RAD23B: variants seen among roughly 807,000 people sequenced by gnomAD.
The protein encoded by RAD23B is RAD23 nucleotide excision repair protein B, also known as lysine-specific demethylase RAD23B.
In RAD23B, 5 loss-of-function variants were observed where a neutral mutation model predicts 49.1. The ratio of observed to expected loss-of-function variants is 0.10; its 90% CI spans 0.05 to 0.21. RAD23B has a LOEUF of 0.21. Among genes scored for constraint, RAD23B ranks in the 10% least tolerant of loss-of-function variants. RAD23B has a pLI of 1.00. For missense variants in RAD23B, 356 were observed against 486.7 expected (o/e 0.73, Z 2.53); for synonymous variants, 184 against 165.4 (o/e 1.11, Z -0.86).
At chr9:107,284,192 G>A in intron 1 of RAD23B, 1 of 986,066 alleles carries the variant, frequency 1.0e-6, no homozygotes, top group African/African-American at 1.7e-5. Context: ...CGAGAGGTGA[G>A]TGGTGGTGAA....
intron 3 of RAD23B, among the ~76,000 whole-genome samples, chr9:107,302,804 T>C (rs1018067875): frequency 8.6e-5 from 13 of 151,924 alleles, no homozygotes; most frequent in South Asian, 4.1e-4. Context: ...TACAGGCGCA[T>C]GCCACCACGC....
chr9:107,286,689 G>C (rs1269664741), intron 1 of RAD23B, among the ~76,000 whole-genome samples: 4 of 152,076 alleles, frequency 2.6e-5, no homozygotes, highest in African/African-American at 7.2e-5. Context: ...GTTTTTTACT[G>C]TAAAAATTGT....
chr9:107,296,722 A>G (rs997211551), intron 1 of RAD23B, among the ~76,000 whole-genome samples: 1 of 149,802 alleles, frequency 6.7e-6, no homozygotes, highest in Non-Finnish European at 1.5e-5. Context: ...TTTAGTAGAG[A>G]TGGAGTTTTG....
Position 107,312,512 on chromosome 9 carries a change from A to T in RAD23B, c.553+775A>T, listed in dbSNP as rs1182662667. ...TGGTTCTCTGAGCTAGTTGGACTGG[A>T]ACTCCGTGATGCCCTTGTTGCTGTG... is the stretch of plus-strand genomic sequence containing the variant. On this transcript the variant is annotated intron_variant, in intron 5 of 9. Transcript: ENST00000358015. Among the ~76,000 whole-genome samples the T allele has an allele frequency of 2.0e-5, 3 of 152,094 alleles. No homozygotes were observed. The East Asian group carries it at 5.8e-4, about 29-fold the overall frequency.
intron 1 of RAD23B, among the ~76,000 whole-genome samples, chr9:107,298,148 C>T (rs935452076): frequency 1.3e-5 from 2 of 152,178 alleles, no homozygotes; most frequent in Admixed American, 6.5e-5. Flanking sequence ...ATTTACCATA[C>T]ACCACTGAGT....
At chr9:107,309,332 A>G (rs568407079) in intron 4 of RAD23B, among the ~76,000 whole-genome samples, 8 of 152,244 alleles carry the variant, frequency 5.3e-5, no homozygotes, top group Non-Finnish European at 1.0e-4. Context: ...AAAGTATGTA[A>G]TGTATAAGCA....
intron 1 of RAD23B, among the ~76,000 whole-genome samples, chr9:107,286,981 A>G (rs1194871503): frequency 6.6e-6 from 1 of 151,942 alleles, no homozygotes; most frequent in African/African-American, 2.4e-5. Flanking sequence ...AGGCTGAGGC[A>G]GGAGAATCGC....
chr9:107,302,643 T>TG (rs981090881), intron 3 of RAD23B, among the ~76,000 whole-genome samples: 4 of 142,656 alleles, frequency 2.8e-5, no homozygotes, highest in Non-Finnish European at 4.5e-5. Context: ...TGAGGAAGTT[T>TG]TTTTTGTTTT....
intron 1 of RAD23B, chr9:107,285,033 T>C: frequency 1.8e-6 from 2 of 1,122,284 alleles, no homozygotes; most frequent in South Asian, 1.5e-5. Flanking sequence ...TGTACATCTT[T>C]AATTTTTTAA....
At chr9:107,296,683 C>T (rs1342086013) in intron 1 of RAD23B, among the ~76,000 whole-genome samples, 5 of 151,354 alleles carry the variant, frequency 3.3e-5, no homozygotes, top group East Asian at 1.9e-4. Context: ...TACAGGCGTG[C>T]ACCACCATGC....
At chr9:107,299,930 T>C (rs1826612843) in intron 1 of RAD23B, among the ~76,000 whole-genome samples, 1 of 152,184 alleles carries the variant, frequency 6.6e-6, no homozygotes, top group Non-Finnish European at 1.5e-5. Flanking sequence ...TCTGTGTGTA[T>C]CAGATGGTGT....
At position 107,330,054 on chromosome 9, in the gene RAD23B, A is replaced by T. The variant is rs749565496; in HGVS notation, c.*398A>T. On this transcript the variant is annotated 3_prime_UTR_variant, in exon 10 of 10. Transcript: ENST00000358015. This position sits in a 1 kb window ranked among gnomAD's most constrained non-coding sequence, Gnocchi z 4.4. The stretch of plus-strand genomic sequence containing the variant: ...AGAATCTTAGCTACCTAGAATTTAC[A>T]GTCTCTGTTTCATGGCAACACTGGA... 66 of 153,312 alleles carry T rather than the reference A, an allele frequency of 4.3e-4. No homozygotes were observed. Among genetic ancestry groups the T allele is most frequent in the Non-Finnish European group, 3.1e-4 (21 of 68,520 alleles). 9.5% of individuals were successfully genotyped at this position (153,312 alleles called of 1,614,324 possible).
intron 5 of RAD23B, among the ~76,000 whole-genome samples, chr9:107,313,862 T>G (rs898703724): frequency 7.9e-5 from 12 of 151,940 alleles, no homozygotes; most frequent in African/African-American, 2.2e-4. Flanking sequence ...CTGTTTCTTT[T>G]CTTTTCCTTT....
At chr9:107,286,878 C>T (rs1318763263) in intron 1 of RAD23B, among the ~76,000 whole-genome samples, 1 of 151,982 alleles carries the variant, frequency 6.6e-6, no homozygotes, top group Non-Finnish European at 1.5e-5. Context: ...CGAGACCATC[C>T]TGGTTAACAC....
chr9:107,298,474 ATTTTTTTTTT>A (rs35923233), intron 1 of RAD23B, among the ~76,000 whole-genome samples: 121 of 53,122 alleles, frequency 2.3e-3, no homozygotes, highest in Non-Finnish European at 2.8e-3. Flanking sequence ...TGCTTGGCTA[ATTTTTTTTTT>A]TTTTTTTTTT....
In RAD23B at chr9:107,311,743, T is replaced by C. The variant is rs750902901; in HGVS notation, c.553+6T>C. ...AGATGCAACGAGTGCACTTGGTAAG[T>C]ATCTGCTTTTCCTTATAAATAACCT... On this transcript the variant is annotated splice_donor_region_variant and intron_variant, in intron 5 of 9. Transcript: ENST00000358015. 3 of 1,566,402 alleles carry C rather than the reference T, an allele frequency of 1.9e-6. No homozygotes were observed. The Admixed American group carries it at 6.4e-5, about 33-fold the overall frequency.
rs774543409 is a variant in RAD23B, at chr9:107,302,027, T to C, written c.149-8T>C. ...CTTAAATGATTTTTTTTTCTCTTAA[T>C]GTATTAGGCAAAATCCTCAATGATG... On this transcript the variant is annotated splice_polypyrimidine_tract_variant and splice_region_variant and intron_variant, in intron 2 of 9. Coordinates refer to ENST00000358015, the MANE Select transcript of RAD23B (RefSeq NM_002874.5). The C allele has an allele frequency of 1.9e-6, 3 of 1,609,512 alleles. No individual in the cohort carries two copies. Among genetic ancestry groups the C allele is most frequent in the Non-Finnish European group, 2.5e-6 (3 of 1,178,866 alleles).
chr9:107,288,436 A>G (rs1157028353), intron 1 of RAD23B, among the ~76,000 whole-genome samples: 1 of 151,870 alleles, frequency 6.6e-6, no homozygotes, highest in African/African-American at 2.4e-5. Context: ...GGGTGGCTAC[A>G]TTTTTGTTGT....
At chr9:107,310,684 A>T (rs1051279631) in intron 4 of RAD23B, among the ~76,000 whole-genome samples, 1 of 152,206 alleles carries the variant, frequency 6.6e-6, no homozygotes, top group Non-Finnish European at 1.5e-5. Flanking sequence ...TGAAGAACTT[A>T]AATTATACCA....
Sources: gnomAD v4.1 joint callset for allele counts (sites outside exome capture counted in the v4.1 genomes callset) on GRCh38, gnomAD v4.1.1 for gene constraint, Gnocchi (gnomAD v3.1) non-coding constraint, MANE v1.5 for transcripts, NCBI Gene and HGNC (gene_info 2026-07-23, HGNC 2026-07-21) for gene names.